The following CR1L variants were observed in gnomAD, a reference collection of about 807,000 sequenced individuals.
The protein encoded by CR1L is complement component receptor 1-like protein.
Under a neutral mutation model 62.3 loss-of-function variants are expected in CR1L, and 59 were observed. The observed-to-expected ratio is 0.95, with a 90% CI of 0.77 to 1.18. The LOEUF (loss-of-function observed/expected upper bound fraction) is 1.18. CR1L is among the 50% of genes most tolerant of loss of function. The pLI is 0.00. For missense variants in CR1L, 700 were observed against 702.8 expected (o/e 1.00, Z 0.04); for synonymous variants, 279 against 248.7 (o/e 1.12, Z -1.15).
chr1:207,659,814 C>T (rs572842194), intron 1 of CR1L, among the ~76,000 whole-genome samples: 1 of 152,320 alleles, frequency 6.6e-6, no homozygotes, highest in South Asian at 2.1e-4. Context: ...CTGTGCTTTT[C>T]CCACAGTCTT....
intron 1 of CR1L, chr1:207,669,301 A>G (rs1375450471): frequency 2.6e-5 from 15 of 583,068 alleles, no homozygotes; most frequent in Non-Finnish European, 4.2e-5. Context: ...GCTGGTCAAA[A>G]GCATTTTGTC....
intron 9 of CR1L, among the ~76,000 whole-genome samples, chr1:207,705,291 A>G (rs776482726): frequency 1.8e-4 from 28 of 152,238 alleles, no homozygotes; most frequent in Non-Finnish European, 4.4e-5. Flanking sequence ...GTATTTCCAA[A>G]TAAGGTCACA....
chr1:207,645,159 G>A lies in CR1L; in HGVS notation c.-75G>A. 2.0e-6 allele frequency: 3 copies of A among 1,463,852 alleles called. No homozygotes were observed. The highest frequency in any genetic ancestry group is 2.3e-5 in the South Asian group (2 of 87,408). The allele number at this position is 1,463,852 out of a possible 1,614,324, so 90.7% of individuals were successfully genotyped here. Reference sequence around the variant, plus strand: ...TTGTGTCCACTAACCGGACTCAGAAGGGACTTCCCTGCTCGGCTGGCTTTC... The same window carrying A: ...TTGTGTCCACTAACCGGACTCAGAAAGGACTTCCCTGCTCGGCTGGCTTTC... On this transcript the variant is annotated 5_prime_UTR_variant, in exon 1 of 12. Transcript: ENST00000508064.
At chr1:207,677,896 C>T (rs766411989) in intron 2 of CR1L, among the ~76,000 whole-genome samples, 28 of 152,234 alleles carry the variant, frequency 1.8e-4, no homozygotes, top group South Asian at 4.1e-4. Flanking sequence ...CTAAAAGATG[C>T]GACAATCTTG....
rs770741849 is a variant in CR1L, at chr1:207,645,179, G to C, written c.-55G>C. 3 of 1,576,846 alleles carry C rather than the reference G, an allele frequency of 1.9e-6. No individual in the cohort carries two copies. The highest frequency in any genetic ancestry group is 2.6e-6 in the Non-Finnish European group (3 of 1,150,896). ...CAGAAGGGACTTCCCTGCTCGGCTG[G>C]CTTTCGGTTTCTCTGCTCACCTCCG... On this transcript the variant is annotated 5_prime_UTR_variant, in exon 1 of 12. Transcript: ENST00000508064.
chr1:207,712,032 A>G (rs1411161185), intron 10 of CR1L, among the ~76,000 whole-genome samples: 2 of 152,270 alleles, frequency 1.3e-5, no homozygotes. Context: ...CCTGTGAGTT[A>G]GCCCTGCTCT....
At chr1:207,697,397 T>A in intron 5 of CR1L, 106 bp from the exon 6 acceptor site, 2 of 1,598,578 alleles carry the variant, frequency 1.3e-6, no homozygotes, top group African/African-American at 1.3e-5. Context: ...TTATTCTACC[T>A]TTTTTGTTAC....
At chr1:207,661,908 T>A (rs1326676524) in intron 1 of CR1L, among the ~76,000 whole-genome samples, 2 of 152,088 alleles carry the variant, frequency 1.3e-5, no homozygotes, top group Non-Finnish European at 2.9e-5. Flanking sequence ...CTTATGAAGC[T>A]TAGTTTGGCT....
At position 207,645,168 on chromosome 1, in the gene CR1L, C is replaced by G; in HGVS notation, c.-66C>G. ...CTAACCGGACTCAGAAGGGACTTCC[C>G]TGCTCGGCTGGCTTTCGGTTTCTCT... On this transcript the variant is annotated 5_prime_UTR_variant, in exon 1 of 12. Transcript: ENST00000508064. The G allele has an allele frequency of 6.5e-7, 1 of 1,537,016 alleles. No individual in the cohort carries two copies. The highest frequency in any genetic ancestry group is 9.0e-7 in the Non-Finnish European group (1 of 1,116,682).
chr1:207,662,476 G>T (rs1052926522), intron 1 of CR1L, among the ~76,000 whole-genome samples: 1 of 152,092 alleles, frequency 6.6e-6, no homozygotes, highest in South Asian at 2.1e-4. Flanking sequence ...CGTAGTTCTC[G>T]TGCCATAGTT....
At chr1:207,662,136 CT>C (rs1279903963) in intron 1 of CR1L, among the ~76,000 whole-genome samples, 1 of 152,030 alleles carries the variant, frequency 6.6e-6, no homozygotes, top group Non-Finnish European at 1.5e-5. Context: ...TGGAGTTGCT[CT>C]TCTTGAGGAG....
intron 1 of CR1L, among the ~76,000 whole-genome samples, chr1:207,667,991 A>C (rs1330494230): frequency 6.6e-6 from 1 of 151,252 alleles, no homozygotes; most frequent in African/African-American, 2.5e-5. Flanking sequence ...CCTAGTTATC[A>C]GAGCTCTTAT....
chr1:207,664,796 T>C (rs951826423), intron 1 of CR1L, among the ~76,000 whole-genome samples: 1 of 152,178 alleles, frequency 6.6e-6, no homozygotes, highest in Non-Finnish European at 1.5e-5. Context: ...CTCATGGGAT[T>C]GTCAGTCATT....
chr1:207,648,774 A>G (rs1663175939), intron 1 of CR1L, among the ~76,000 whole-genome samples: 1 of 152,232 alleles, frequency 6.6e-6, no homozygotes, highest in African/African-American at 2.4e-5. Flanking sequence ...TCGGCATACT[A>G]CAATGCAAAA....
intron 4 of CR1L, among the ~76,000 whole-genome samples, chr1:207,693,350 T>C (rs1008078666): frequency 3.3e-5 from 5 of 152,192 alleles, no homozygotes; most frequent in African/African-American, 9.6e-5. Flanking sequence ...ACCCCTGACC[T>C]CAGGTGATCT....
chr1:207,700,218 T>G (rs74152329), intron 8 of CR1L, among the ~76,000 whole-genome samples: 5,039 of 152,286 alleles, frequency 0.033, 282 homozygotes, highest in African/African-American at 0.11. Context: ...GAAATGTACT[T>G]GGACATCTTA....
chr1:207,670,781 A>G (rs1434729279), intron 1 of CR1L, among the ~76,000 whole-genome samples: 1 of 151,168 alleles, frequency 6.6e-6, no homozygotes, highest in African/African-American at 2.5e-5. Context: ...TTTTATTTTT[A>G]GGAGAGAAGC....
chr1:207,685,182 G>C (rs12738067), intron 4 of CR1L, among the ~76,000 whole-genome samples: 27,029 of 152,042 alleles, frequency 0.18, 3,017 homozygotes, highest in Non-Finnish European at 0.26. Context: ...TCTGTTTCTA[G>C]TTCTGTAAAC....
At chr1:207,698,728 G>A (rs1664147224) in intron 7 of CR1L, among the ~76,000 whole-genome samples, 2 of 152,174 alleles carry the variant, frequency 1.3e-5, no homozygotes, top group Admixed American at 6.5e-5. Flanking sequence ...GCCCTTTTGA[G>A]CCTTCTTCAC....
Sources: gnomAD v4.1 joint callset for allele counts (sites outside exome capture counted in the v4.1 genomes callset) on GRCh38, gnomAD v4.1.1 for gene constraint, MANE v1.5 for transcripts, NCBI Gene and HGNC (gene_info 2026-07-23, HGNC 2026-07-21) for gene names.